Variants in RGS5 observed in about 807,000 individuals in gnomAD.
The protein encoded by RGS5 is regulator of G-protein signalling 5.
In RGS5, 20 loss-of-function variants were observed where a neutral mutation model predicts 18.9. The observed-to-expected ratio is 1.06, with a 90% CI of 0.74 to 1.54. The LOEUF is 1.54. Ranked by LOEUF, RGS5 falls within the 40% of genes most tolerant of loss-of-function variation. The pLI, the probability that RGS5 is intolerant of heterozygous loss-of-function variation, is 0.00. For synonymous variants in RGS5, 57 were observed against 76.2 expected (o/e 0.75, Z 1.31); for missense variants, 201 against 211.8 (o/e 0.95, Z 0.32).
intron 2 of RGS5, among the ~76,000 whole-genome samples, chr1:163,281,225 C>T (rs1648982959): frequency 1.3e-5 from 2 of 152,146 alleles, no homozygotes; most frequent in Admixed American, 6.6e-5. Flanking sequence ...GTCCAATAAA[C>T]CTCTTTCTTT....
rs373864347 is a variant in RGS5 at position 163,172,673 on chromosome 1, GCT to G, written c.45-4307_45-4306del. The G allele has an allele frequency of 2.4e-5, 35 of 1,467,324 alleles. No individual in the cohort carries two copies. The African/African-American group carries it at 3.8e-4, about 16-fold the overall frequency. 90.9% of individuals were successfully genotyped at this position (1,467,324 alleles called of 1,614,324 possible). A position where few individuals can be genotyped will look rare whatever the true frequency, so the allele number is the denominator to read the frequency against. The stretch of plus-strand genomic sequence containing the variant: ...GGCTTCAGTTTCTGGCTTGGTATAG[GCT>G]CAAGTATAGAGCATTATAAAGTTAA... On this transcript the variant is annotated intron_variant, in intron 1 of 4. Transcript: ENST00000313961.
At chr1:163,289,464 A>G (rs1019486893) in intron 2 of RGS5, among the ~76,000 whole-genome samples, 6 of 152,080 alleles carry the variant, frequency 3.9e-5, no homozygotes, top group Non-Finnish European at 7.4e-5. Flanking sequence ...GTCTAATGAG[A>G]CAGTAAGATC....
chr1:163,153,105 A>G (rs1657442283), intron 3 of RGS5, among the ~76,000 whole-genome samples: 1 of 152,212 alleles, frequency 6.6e-6, no homozygotes, highest in African/African-American at 2.4e-5. Context: ...GGAGAAAATA[A>G]TACATTTAAA....
In RGS5 at chr1:163,145,766, T is replaced by G. The variant is rs2102376185; in HGVS notation, c.*1576A>C. ...TGTTTACCTGAAGAATACAGTCACATAGTTGCTTCACTTTCAATATTCTTA... is the reference window on the plus strand; with the variant it reads ...TGTTTACCTGAAGAATACAGTCACAGAGTTGCTTCACTTTCAATATTCTTA... On this transcript the variant is annotated 3_prime_UTR_variant, in exon 5 of 5. Coordinates refer to ENST00000313961, the MANE Select transcript of RGS5 (RefSeq NM_003617.4). The G allele has an allele frequency of 6.6e-6, 1 of 152,324 alleles. No individual in the cohort carries two copies. The highest frequency in any genetic ancestry group is 1.9e-4 in the East Asian group (1 of 5,190). 9.4% of individuals were successfully genotyped at this position (152,324 alleles called of 1,614,324 possible).
In RGS5 at chr1:163,236,240, C is replaced by A. The variant is rs574739124; in HGVS notation, c.-280-67872G>T. 2.3e-4 allele frequency among the ~76,000 whole-genome samples: 35 copies of A among 152,066 alleles called. No individual in the cohort carries two copies. In the South Asian group the frequency reaches 5.0e-3, roughly 22 times the overall value. ...AAAATTTCCCAAAACACCTCATTGA[C>A]ACTCTCAACCTTCTGCTTGGATGAC... On this transcript the variant is annotated intron_variant, in intron 2 of 5. Coordinates refer to the RGS5 transcript ENST00000618415.
At chr1:163,301,963 G>T (rs1019596188) in intron 2 of RGS5, among the ~76,000 whole-genome samples, 1 of 148,690 alleles carries the variant, frequency 6.7e-6, no homozygotes, top group Non-Finnish European at 1.5e-5. Flanking sequence ...GTGAGTATTT[G>T]GACCAAATTT....
chr1:163,168,123 C>G (rs1658133684), intron 2 of RGS5, 135 bp downstream of exon 2: 1 of 598,884 alleles, frequency 1.7e-6, no homozygotes, highest in Non-Finnish European at 2.9e-6. Context: ...TCTTTGCAAA[C>G]CAACTCTCTG....
chr1:163,271,641 C>T (rs1325304147), intron 2 of RGS5, among the ~76,000 whole-genome samples: 1 of 152,130 alleles, frequency 6.6e-6, no homozygotes, highest in African/African-American at 2.4e-5. Context: ...ACTTTTCATT[C>T]CTGAGTAGTA....
rs61810815 is a variant in RGS5, at chr1:163,163,421, C to G, written c.156-1445G>C. On this transcript the variant is annotated intron_variant, in intron 2 of 4. Coordinates refer to ENST00000313961, the MANE Select transcript of RGS5 (RefSeq NM_003617.4). ...ATACTGATGCCTCAGAAATTTATTT[C>G]TAACACGTGAGCTACCCATCCCTCT... Among the ~76,000 whole-genome samples the G allele has an allele frequency of 9.0e-3, 1,364 of 152,152 alleles. 10 individuals carry two copies. The highest frequency in any genetic ancestry group is 0.022 in the South Asian group (107 of 4,822).
chr1:163,191,424 T>C (rs1659351248), intron 1 of RGS5, among the ~76,000 whole-genome samples: 1 of 152,164 alleles, frequency 6.6e-6, no homozygotes, highest in African/African-American at 2.4e-5. Context: ...TAGCCTGTAA[T>C]GTCCAACAAT....
chr1:163,253,426 A>C (rs1648170161), intron 2 of RGS5, among the ~76,000 whole-genome samples: 1 of 149,680 alleles, frequency 6.7e-6, no homozygotes, highest in African/African-American at 2.4e-5. Context: ...TTCCTGCCTC[A>C]GCCTCCCATG....
At chr1:163,180,684 C>CTTT (rs1429373041) in intron 1 of RGS5, among the ~76,000 whole-genome samples, 28 of 81,872 alleles carry the variant, frequency 3.4e-4, no homozygotes, top group South Asian at 1.4e-3. Context: ...AGCCCTTACC[C>CTTT]TGTTTTTTTT....
chr1:163,244,766 T>G (rs190075212), intron 2 of RGS5: 1 of 152,180 alleles, frequency 6.6e-6, no homozygotes, highest in Non-Finnish European at 1.5e-5. Flanking sequence ...CAGAAGTCAG[T>G]GTTACACAGA....
intron 1 of RGS5, among the ~76,000 whole-genome samples, chr1:163,183,021 T>A (rs564762957): frequency 1.3e-5 from 2 of 152,274 alleles, no homozygotes; most frequent in South Asian, 4.1e-4. Context: ...ATGTATTACA[T>A]CACTTAATAA....
At chr1:163,319,086 A>G (rs535922617) in intron 1 of RGS5, 1 of 152,272 alleles carries the variant, frequency 6.6e-6, no homozygotes, top group East Asian at 1.9e-4. Flanking sequence ...TTTTGTCCCT[A>G]TTGATCTGTT....
chr1:163,228,091 T>C (rs992698936), intron 2 of RGS5, among the ~76,000 whole-genome samples: 1 of 152,198 alleles, frequency 6.6e-6, no homozygotes, highest in African/African-American at 2.4e-5. Flanking sequence ...GGATCTACCA[T>C]TCTGGGGTCT....
chr1:163,148,178 C>T (rs1372669038), intron 4 of RGS5, among the ~76,000 whole-genome samples: 3 of 151,962 alleles, frequency 2.0e-5, no homozygotes, highest in South Asian at 2.1e-4. Flanking sequence ...CTGCCTGCCT[C>T]GGCCTCCCAA....
intron 2 of RGS5, among the ~76,000 whole-genome samples, chr1:163,268,795 T>G (rs564197125): frequency 6.6e-6 from 1 of 152,260 alleles, no homozygotes; most frequent in African/African-American, 2.4e-5. Context: ...CCTTCTGCCT[T>G]CTGACTGGTC....
chr1:163,202,755 ATCTGCATC>A (rs760136693), intron 1 of RGS5, 29 bp downstream of exon 1: 1 of 1,600,938 alleles, frequency 6.2e-7, no homozygotes, highest in East Asian at 2.2e-5. Flanking sequence ...GATTCTCCAT[ATCTGCATC>A]TCTTAAACAA....
Sources: gnomAD v4.1 joint callset for allele counts (sites outside exome capture counted in the v4.1 genomes callset) on GRCh38, gnomAD v4.1.1 for gene constraint, MANE v1.5 for transcripts, NCBI Gene and HGNC (gene_info 2026-07-23, HGNC 2026-07-21) for gene names.